The following CARMIL1 variants were observed in gnomAD, a reference collection of about 807,000 sequenced individuals.
The protein encoded by CARMIL1 is F-actin-uncapping protein LRRC16A.
Under a neutral mutation model 177.1 loss-of-function variants are expected in CARMIL1, and 90 were observed. The ratio of observed to expected loss-of-function variants is 0.51; its 90% CI spans 0.43 to 0.61. CARMIL1 has a LOEUF of 0.61. Ranked by LOEUF, CARMIL1 falls within the 20% of genes least tolerant of loss-of-function variation. The probability of loss-of-function intolerance (pLI) is 0.00; values close to 1 mark genes in which losing one functional copy is unlikely to be tolerated. For synonymous variants in CARMIL1, 577 were observed against 606.2 expected (o/e 0.95, Z 0.71); for missense variants, 1,380 against 1,667.0 (o/e 0.83, Z 3.00).
chr6:25,449,517 C>G (rs1429263150), intron 5 of CARMIL1, among the ~76,000 whole-genome samples: 1 of 152,048 alleles, frequency 6.6e-6, no homozygotes, highest in Non-Finnish European at 1.5e-5. Flanking sequence ...GTGCAAGGCA[C>G]TATAGAAGGA....
chr6:25,604,230 A>T (rs1346350789), intron 33 of CARMIL1, among the ~76,000 whole-genome samples: 1 of 152,134 alleles, frequency 6.6e-6, no homozygotes, highest in Non-Finnish European at 1.5e-5. Flanking sequence ...GATGCATGCC[A>T]TCATGCCTGA....
In CARMIL1 at chr6:25,428,691, C is replaced by T. The variant is rs1796478350; in HGVS notation, c.249+2131C>T. On this transcript the variant is annotated intron_variant, in intron 4 of 36. Coordinates refer to ENST00000329474, the MANE Select transcript of CARMIL1 (RefSeq NM_017640.6). Reference sequence around the variant, plus strand: ...TTTCTCCATTTGTTTAGGTCTTTTTCAGTTTTTCTGAGTGTATTTTGTTGT... The same window carrying T: ...TTTCTCCATTTGTTTAGGTCTTTTTTAGTTTTTCTGAGTGTATTTTGTTGT... 2.6e-5 allele frequency among the ~76,000 whole-genome samples: 4 copies of T among 152,124 alleles called. No homozygotes were observed. In the South Asian group the frequency reaches 8.3e-4, roughly 32 times the overall value.
At position 25,515,904 on chromosome 6, in the gene CARMIL1, G is replaced by C; in HGVS notation, c.1805+57G>C. Reference sequence around the variant, plus strand: ...GAAGGCTTGGAGCAGATTCCGAACAGCAAGCATTGCAGAGCTGCTGGGCCC... The same window carrying C: ...GAAGGCTTGGAGCAGATTCCGAACACCAAGCATTGCAGAGCTGCTGGGCCC... On this transcript the variant is annotated intron_variant, in intron 21 of 36. Transcript: ENST00000329474. This position sits in a 1 kb window ranked among gnomAD's most constrained non-coding sequence, Gnocchi z 5.0. The C allele has an allele frequency of 6.6e-7, 1 of 1,509,720 alleles. No homozygotes were observed. 93.5% of individuals were successfully genotyped at this position (1,509,720 alleles called of 1,614,324 possible). A position where few individuals can be genotyped will look rare whatever the true frequency, so the allele number is the denominator to read the frequency against.
intron 2 of CARMIL1, among the ~76,000 whole-genome samples, chr6:25,351,995 T>G (rs1055387313): frequency 6.6e-6 from 1 of 152,196 alleles, no homozygotes; most frequent in Non-Finnish European, 1.5e-5. Flanking sequence ...TAGATTTTTT[T>G]TCTATTCACT....
intron 15 of CARMIL1, among the ~76,000 whole-genome samples, chr6:25,494,501 A>T (rs1490330875): frequency 6.6e-6 from 1 of 152,202 alleles, no homozygotes; most frequent in African/African-American, 2.4e-5. Flanking sequence ...CTGTAATAGC[A>T]AGGGGATGTA....
intron 1 of CARMIL1, among the ~76,000 whole-genome samples, chr6:25,280,603 T>G (rs1356884788): frequency 5.8e-5 from 8 of 136,940 alleles, no homozygotes; most frequent in African/African-American, 8.7e-5. Context: ...TTTTTTTTGG[T>G]GGTGGTGGGG....
chr6:25,586,977 GAGAGGGAGAGGGAGACCGTGGAGAC>G (rs1247220375), intron 31 of CARMIL1, among the ~76,000 whole-genome samples: 3 of 146,224 alleles, frequency 2.1e-5, no homozygotes, highest in African/African-American at 5.1e-5. Context: ...ACCGTGGAGA[GAGAGGGAGAGGGAGACCGTGGAGAC>G]AGAGGGAGAG....
intron 32 of CARMIL1, among the ~76,000 whole-genome samples, chr6:25,597,024 C>T (rs1471582611): frequency 6.6e-6 from 1 of 152,074 alleles, no homozygotes; most frequent in Non-Finnish European, 1.5e-5. Context: ...TTATTTAGCT[C>T]ATGGTTCTGG....
intron 4 of CARMIL1, among the ~76,000 whole-genome samples, chr6:25,427,564 G>A (rs1796382233): frequency 6.6e-6 from 1 of 152,126 alleles, no homozygotes; most frequent in African/African-American, 2.4e-5. Context: ...CATTTCCCAT[G>A]TGTAATTACC....
intron 2 of CARMIL1, among the ~76,000 whole-genome samples, chr6:25,412,351 C>A (rs1794976167): frequency 6.6e-6 from 1 of 152,170 alleles, no homozygotes; most frequent in Non-Finnish European, 1.5e-5. Context: ...GGAGGCCGAG[C>A]TGGGAGGATT....
intron 2 of CARMIL1, among the ~76,000 whole-genome samples, chr6:25,387,975 G>A (rs767008183): frequency 6.6e-6 from 1 of 152,086 alleles, no homozygotes; most frequent in Admixed American, 6.6e-5. Flanking sequence ...GGAACAGAAC[G>A]ATGAGAGAAA....
rs1167011840 is a variant in CARMIL1, at chr6:25,279,530, G to C, written c.-266G>C. 3.6e-6 allele frequency: 2 copies of C among 553,992 alleles called. No individual in the cohort carries two copies. Among genetic ancestry groups the C allele is most frequent in the South Asian group, 2.1e-5 (1 of 48,370 alleles). 34.3% of individuals were successfully genotyped at this position (553,992 alleles called of 1,614,324 possible). On this transcript the variant is annotated 5_prime_UTR_variant, in exon 1 of 37. Transcript: ENST00000329474. Reference sequence around the variant, plus strand: ...GCGCCCCGCGCCCGCTTGTAATCCGGTCCGCTCCTTATTCAGCCGCCGGGA... The same window carrying C: ...GCGCCCCGCGCCCGCTTGTAATCCGCTCCGCTCCTTATTCAGCCGCCGGGA...
chr6:25,455,427 TTGCTTA>T (rs1799416939), intron 8 of CARMIL1, among the ~76,000 whole-genome samples: 1 of 152,208 alleles, frequency 6.6e-6, no homozygotes, highest in Non-Finnish European at 1.5e-5. Flanking sequence ...TGTGTCTGTC[TTGCTTA>T]TGCTCTGTGA....
chr6:25,332,650 C>A (rs1281067807), intron 2 of CARMIL1, among the ~76,000 whole-genome samples: 1 of 151,900 alleles, frequency 6.6e-6, no homozygotes, highest in Non-Finnish European at 1.5e-5. Context: ...ATACTTGTTA[C>A]ATATCCAAAT....
At chr6:25,611,870 G>T (rs1318652436) in intron 36 of CARMIL1, among the ~76,000 whole-genome samples, 1 of 152,202 alleles carries the variant, frequency 6.6e-6, no homozygotes, top group Non-Finnish European at 1.5e-5. Context: ...GGATACCACT[G>T]CAGGCTCTTA....
chr6:25,451,234 G>A (rs916354985), intron 8 of CARMIL1, among the ~76,000 whole-genome samples: 2 of 151,912 alleles, frequency 1.3e-5, no homozygotes, highest in African/African-American at 4.8e-5. Flanking sequence ...AAAATGTGCT[G>A]AATTTTACCA....
At chr6:25,481,703 A>T (rs2150969804) in intron 11 of CARMIL1, among the ~76,000 whole-genome samples, 1 of 152,330 alleles carries the variant, frequency 6.6e-6, no homozygotes, top group East Asian at 1.9e-4. Context: ...AAATACCATA[A>T]ATTCCTGGTG....
intron 2 of CARMIL1, among the ~76,000 whole-genome samples, chr6:25,293,218 C>T (rs1782117131): frequency 1.3e-5 from 2 of 150,066 alleles, no homozygotes; most frequent in African/African-American, 4.9e-5. Flanking sequence ...ACCACTTTCC[C>T]CAGCTCTTTG....
At chr6:25,416,211 C>T (rs1037332087) in intron 2 of CARMIL1, among the ~76,000 whole-genome samples, 3 of 152,106 alleles carry the variant, frequency 2.0e-5, no homozygotes, top group African/African-American at 4.8e-5. Context: ...GGTCATTTTA[C>T]GTGTTTGCTT....
Sources: gnomAD v4.1 joint callset for allele counts (sites outside exome capture counted in the v4.1 genomes callset) on GRCh38, gnomAD v4.1.1 for gene constraint, Gnocchi (gnomAD v3.1) non-coding constraint, MANE v1.5 for transcripts, NCBI Gene and HGNC (gene_info 2026-07-23, HGNC 2026-07-21) for gene names.